TRAF3IP2: variants seen among roughly 807,000 people sequenced by gnomAD.
TRAF3IP2 encodes the protein TRAF3 interacting protein 2, also known as E3 ubiquitin ligase TRAF3IP2.
In TRAF3IP2, 35 loss-of-function variants were observed where a neutral mutation model predicts 57.9. The ratio of observed to expected loss-of-function variants is 0.60; its 90% CI spans 0.46 to 0.80. TRAF3IP2 has a LOEUF of 0.80. TRAF3IP2 is among the 30% of genes least tolerant of loss of function. The pLI is 0.00. For synonymous variants in TRAF3IP2, 251 were observed against 268.9 expected (o/e 0.93, Z 0.65); for missense variants, 556 against 706.4 (o/e 0.79, Z 2.41).
At chr6:111,564,422 G>A (rs1355811703) in intron 7 of TRAF3IP2, among the ~76,000 whole-genome samples, 1 of 152,198 alleles carries the variant, frequency 6.6e-6, no homozygotes, top group Non-Finnish European at 1.5e-5. Context: ...TTTGGCTTGT[G>A]CACTAGGCTG....
rs774200724 is a variant in TRAF3IP2 at position 111,591,112 on chromosome 6, A to T, written c.829+146T>A. ...GCAGGCCCTTTGCAAATCCAGCCAC[A>T]CATGGAAAGCCCCTAAGAGAAGCAG... On this transcript the variant is annotated intron_variant, in intron 2 of 8. Coordinates refer to ENST00000368761, the MANE Select transcript of TRAF3IP2 (RefSeq NM_147686.4). The surrounding 1 kb of genome is among the most constrained non-coding windows in gnomAD (Gnocchi z 4.9). 4.0e-4 allele frequency: 218 copies of T among 548,110 alleles called. No homozygotes were observed. Among genetic ancestry groups the T allele is most frequent in the Non-Finnish European group, 5.6e-4 (188 of 334,754 alleles). 34.0% of individuals were successfully genotyped at this position (548,110 alleles called of 1,614,324 possible).
rs976013990 is a variant in TRAF3IP2, at chr6:111,556,128, G to A, written c.*3277C>T. ...AAAAAAAAAAAAAAAAAAATGCTTT[G>A]ATGTTGGTGGTCATCGGATCTCATA... On this transcript the variant is annotated 3_prime_UTR_variant, in exon 9 of 9. Transcript: ENST00000368761. 3.3e-5 allele frequency among the ~76,000 whole-genome samples: 5 copies of A among 150,516 alleles called. No individual in the cohort carries two copies. Among genetic ancestry groups the A allele is most frequent in the African/African-American group, 9.8e-5 (4 of 40,950 alleles).
At chr6:111,592,131 C>G (rs1016957533) in intron 1 of TRAF3IP2, 37 bp from the exon 2 acceptor site, 12 of 1,555,822 alleles carry the variant, frequency 7.7e-6, no homozygotes, top group Non-Finnish European at 9.6e-6. Context: ...CCTTAGAAGA[C>G]AGATAAATTC....
rs149247775 is a variant in TRAF3IP2 at position 111,591,866 on chromosome 6, C to T, written c.221G>A (p.Arg74Gln). Residue 74 changes from arginine to glutamine, a missense_variant, in exon 2 of 9, where the codon CGG becomes CAG. Transcript: ENST00000368761. This position sits in a 1 kb window ranked among gnomAD's most constrained non-coding sequence, Gnocchi z 4.9. ...GCAGGTGACCTGCCGGGATACAGGCCGCTGGTGATTTGCAAGTTTCAGGGT... is the reference window on the plus strand; with the variant it reads ...GCAGGTGACCTGCCGGGATACAGGCTGCTGGTGATTTGCAAGTTTCAGGGT... ...HSTLKLANHQRPVSRQVTCLR... is the reference protein window; with the variant it reads ...HSTLKLANHQQPVSRQVTCLR... 17 of 1,614,034 alleles carry T rather than the reference C, an allele frequency of 1.1e-5. No homozygotes were observed. Among genetic ancestry groups the T allele is most frequent in the African/African-American group, 8.0e-5 (6 of 74,910 alleles).
chr6:111,562,866 A>T, intron 8 of TRAF3IP2, 99 bp downstream of exon 8: 1 of 951,120 alleles, frequency 1.1e-6, no homozygotes, highest in Non-Finnish European at 1.6e-6. Context: ...AAAAGAAAAG[A>T]AAGAAAAAAA....
rs1182845158 is a variant in TRAF3IP2, at chr6:111,558,646, G to C, written c.*759C>G. The stretch of plus-strand genomic sequence containing the variant: ...GATGGGGTTTCACCATGTTGGCCAG[G>C]CTGGTCTCAAACTCCTGACCTCAAA... On this transcript the variant is annotated 3_prime_UTR_variant, in exon 9 of 9. Transcript: ENST00000368761. The C allele has an allele frequency of 1.3e-5, 2 of 152,164 alleles. No individual in the cohort carries two copies. Among genetic ancestry groups the C allele is most frequent in the African/African-American group, 4.8e-5 (2 of 41,424 alleles). The allele number at this position is 152,164 out of a possible 1,614,324, so 9.4% of individuals were successfully genotyped here.
In TRAF3IP2 at chr6:111,566,540, T is replaced by C; in HGVS notation, c.1380A>G (p.Val460=). ...YLRDKTVMII[V]AISPKYKQDV... Reference sequence around the variant, plus strand: ...CCTGTTTGTATTTGGGGCTGATTGCTACGATTATCATCACGGTCTTCTGTT... The same window carrying C: ...CCTGTTTGTATTTGGGGCTGATTGCCACGATTATCATCACGGTCTTCTGTT... Residue 460 remains valine, a synonymous_variant, in exon 7 of 9, where the codon GTA becomes GTG. Coordinates refer to ENST00000368761, the MANE Select transcript of TRAF3IP2 (RefSeq NM_147686.4). 1 of 1,614,180 alleles carries C rather than the reference T, an allele frequency of 6.2e-7. No individual in the cohort carries two copies.
intron 1 of TRAF3IP2, among the ~76,000 whole-genome samples, chr6:111,604,861 A>G (rs1273428394): frequency 2.6e-5 from 4 of 152,112 alleles, no homozygotes; most frequent in African/African-American, 9.7e-5. Context: ...AGTCTTGAAG[A>G]CCACCCATTA....
intron 3 of TRAF3IP2, chr6:111,577,095 T>C (rs949638561): frequency 2.0e-5 from 3 of 148,266 alleles, no homozygotes; most frequent in Non-Finnish European, 4.4e-5. Context: ...AAATAATTTC[T>C]ATAAAATATG....
chr6:111,566,563 G>T lies in TRAF3IP2; in HGVS notation c.1360-3C>A. 6.2e-7 allele frequency: 1 copy of T among 1,612,352 alleles called. No individual in the cohort carries two copies. The highest frequency in any genetic ancestry group is 8.5e-7 in the Non-Finnish European group (1 of 1,178,370). On this transcript the variant is annotated splice_region_variant and splice_polypyrimidine_tract_variant and intron_variant, in intron 6 of 8. Transcript: ENST00000368761. ...GCTACGATTATCATCACGGTCTTCTGTTAATGAGAGGGAGAAAGGCATGTT... is the reference window on the plus strand; with the variant it reads ...GCTACGATTATCATCACGGTCTTCTTTTAATGAGAGGGAGAAAGGCATGTT...
In TRAF3IP2 at chr6:111,578,229, C is replaced by T. The variant is rs1796049528; in HGVS notation, c.1022+1968G>A. 2.0e-5 allele frequency among the ~76,000 whole-genome samples: 3 copies of T among 152,176 alleles called. No homozygotes were observed. The South Asian group carries it at 6.2e-4, about 31-fold the overall frequency. On this transcript the variant is annotated intron_variant, in intron 3 of 8. Coordinates refer to ENST00000368761, the MANE Select transcript of TRAF3IP2 (RefSeq NM_147686.4). Reference sequence around the variant, plus strand: ...AAAACTTATTTCATAAAGATGCTTACATTTTGTTTATTTCCCTGGAATTTT... The same window carrying T: ...AAAACTTATTTCATAAAGATGCTTATATTTTGTTTATTTCCCTGGAATTTT...
intron 1 of TRAF3IP2, among the ~76,000 whole-genome samples, chr6:111,594,122 A>C (rs1583242719): frequency 3.7e-5 from 3 of 81,424 alleles, no homozygotes; most frequent in Admixed American, 1.8e-4. Context: ...CAAGAGCGAG[A>C]CTCCATCTCC....
intron 2 of TRAF3IP2, among the ~76,000 whole-genome samples, chr6:111,584,658 A>G (rs1796274843): frequency 6.6e-6 from 1 of 151,164 alleles, no homozygotes; most frequent in Non-Finnish European, 1.5e-5. Context: ...AAAAAAAAAG[A>G]AACAAGAAAA....
At chr6:111,598,014 T>A (rs890041771) in intron 1 of TRAF3IP2, 1 of 415,832 alleles carries the variant, frequency 2.4e-6, no homozygotes, top group Non-Finnish European at 4.7e-6. Context: ...GGAGCCCCCA[T>A]GCTGGCAGTG....
At chr6:111,588,837 T>A (rs1043662476) in intron 2 of TRAF3IP2, among the ~76,000 whole-genome samples, 2 of 152,196 alleles carry the variant, frequency 1.3e-5, no homozygotes, top group Admixed American at 6.5e-5. Flanking sequence ...TGAAATACAA[T>A]GAAGCAGTTT....
intron 1 of TRAF3IP2, chr6:111,599,767 A>AGTCCACC (rs1484623044): frequency 3.3e-5 from 5 of 152,210 alleles, no homozygotes; most frequent in African/African-American, 1.2e-4. Flanking sequence ...GGTCCGTTAG[A>AGTCCACC]GTCCACCGTG....
rs547214390 is a variant in TRAF3IP2, at chr6:111,573,045, C to A, written c.1202-62G>T. The A allele has an allele frequency of 5.4e-6, 7 of 1,284,914 alleles. No homozygotes were observed. The East Asian group carries it at 9.5e-5, about 17-fold the overall frequency. The allele number at this position is 1,284,914 out of a possible 1,614,324, so 79.6% of individuals were successfully genotyped here. A position where few individuals can be genotyped will look rare whatever the true frequency, so the allele number is the denominator to read the frequency against. ...AAATTATTCTATTGTAAACAAACTT[C>A]TAAATTATATGCAATATCTTTTGTC... On this transcript the variant is annotated intron_variant, in intron 4 of 8. Coordinates refer to ENST00000368761, the MANE Select transcript of TRAF3IP2 (RefSeq NM_147686.4).
chr6:111,592,245 T>C, intron 1 of TRAF3IP2, 151 bp from the exon 2 acceptor site: 1 of 705,392 alleles, frequency 1.4e-6, no homozygotes. Context: ...CATAAAATTG[T>C]TTACTTATCC....
intron 8 of TRAF3IP2, 119 bp downstream of exon 8, chr6:111,562,844 CAA>C (rs931683636): frequency 7.0e-3 from 4,120 of 584,458 alleles, no homozygotes; most frequent in Middle Eastern, 0.013. Flanking sequence ...GACTCCATCT[CAA>C]AAAAAAAAAA....
Sources: gnomAD v4.1 joint callset for allele counts (sites outside exome capture counted in the v4.1 genomes callset) on GRCh38, gnomAD v4.1.1 for gene constraint, Gnocchi (gnomAD v3.1) non-coding constraint, MANE v1.5 for transcripts, NCBI Gene and HGNC (gene_info 2026-07-23, HGNC 2026-07-21) for gene names.